Variants in DSCAML1 observed in about 807,000 individuals in gnomAD.
The protein encoded by DSCAML1 is DS cell adhesion molecule like 1.
DSCAML1 carries 38 observed loss-of-function variants against 200.5 expected under a neutral mutation model. The ratio of observed to expected loss-of-function variants is 0.19; its 90% CI spans 0.15 to 0.25. DSCAML1 has a LOEUF of 0.25. Ranked by LOEUF, DSCAML1 falls within the 10% of genes least tolerant of loss-of-function variation. The pLI, the probability that DSCAML1 is intolerant of heterozygous loss-of-function variation, is 1.00. For missense variants in DSCAML1, 2,223 were observed against 2,858.8 expected (o/e 0.78, Z 5.07); for synonymous variants, 1,215 against 1,165.0 (o/e 1.04, Z -0.87).
Position 117,431,643 on chromosome 11 carries a change from G to C in DSCAML1, c.5265C>G (p.Ala1755=). 6.2e-7 allele frequency: 1 copy of C among 1,613,430 alleles called. No homozygotes were observed. Among genetic ancestry groups the C allele is most frequent in the Middle Eastern group, 1.7e-4 (1 of 6,056 alleles). The change falls in exon 31 of 33, where the codon GCC becomes GCG. Residue 1755 remains alanine, a synonymous_variant. Coordinates refer to ENST00000651296, the MANE Select transcript of DSCAML1 (RefSeq NM_020693.4). The stretch of plus-strand genomic sequence containing the variant: ...AGGTGAGGGTGCGGGCAGGTGTGGA[G>C]GCCTGGCACTTGGTCAGGGTCCACT... The part of the protein sequence containing the change: ...SSQWTLTKCQ[A]STPARTLTSD...
chr11:117,458,217 T>A (rs2048411518), intron 19 of DSCAML1, among the ~76,000 whole-genome samples: 1 of 152,174 alleles, frequency 6.6e-6, no homozygotes, highest in Non-Finnish European at 1.5e-5. Context: ...TCTGGCCCTC[T>A]GTCTCTGGCT....
intron 3 of DSCAML1, among the ~76,000 whole-genome samples, chr11:117,604,435 T>C (rs1361890841): frequency 1.3e-5 from 2 of 150,386 alleles, no homozygotes; most frequent in African/African-American, 2.4e-5. Flanking sequence ...CCTCCCTCCC[T>C]CTCCACCGAG....
chr11:117,511,324 T>C (rs575582497), intron 8 of DSCAML1, among the ~76,000 whole-genome samples: 2 of 152,292 alleles, frequency 1.3e-5, no homozygotes, highest in Admixed American at 1.3e-4. Context: ...GGCCTTGTTT[T>C]GGCTCAAGAA....
intron 20 of DSCAML1, among the ~76,000 whole-genome samples, chr11:117,445,199 T>C (rs1272151358): frequency 6.6e-6 from 1 of 152,196 alleles, no homozygotes; most frequent in Non-Finnish European, 1.5e-5. Context: ...GGAGACATCC[T>C]TTTTGGCCCC....
At chr11:117,772,344 T>A (rs1489608093) in intron 3 of DSCAML1, among the ~76,000 whole-genome samples, 1 of 152,140 alleles carries the variant, frequency 6.6e-6, no homozygotes, top group Admixed American at 6.5e-5. Flanking sequence ...TTTTCTCATG[T>A]CACAGGACCC....
In DSCAML1 at chr11:117,516,501, G is replaced by A. The variant is rs750267959; in HGVS notation, c.1749C>T (p.Leu583=). Residue 583 remains leucine (L), a synonymous_variant, in exon 8 of 33, where the codon CTC becomes CTT. Coordinates refer to ENST00000651296, the MANE Select transcript of DSCAML1 (RefSeq NM_020693.4). The surrounding 1 kb of genome is among the most constrained non-coding windows in gnomAD (Gnocchi z 5.7). ...YLCSVLIQPQ[L]SISQSVHVAV... ...CTACGTGAACGCTCTGGCTGATGGA[G>A]AGCTGGGGCTGGATGAGGACACTGC... The A allele has an allele frequency of 6.2e-7, 1 of 1,613,972 alleles. No homozygotes were observed. The highest frequency in any genetic ancestry group is 8.5e-7 in the Non-Finnish European group (1 of 1,179,992).
At chr11:117,733,440 C>T (rs1313195176) in intron 3 of DSCAML1, among the ~76,000 whole-genome samples, 2 of 152,162 alleles carry the variant, frequency 1.3e-5, no homozygotes, top group Non-Finnish European at 2.9e-5. Context: ...TTTGTCCCTA[C>T]ACTCTTGGAA....
intron 1 of DSCAML1, among the ~76,000 whole-genome samples, chr11:117,803,392 T>C (rs1385829048): frequency 1.3e-5 from 2 of 152,206 alleles, no homozygotes; most frequent in South Asian, 2.1e-4. Context: ...TTGAGGTGTG[T>C]CAGTTAATAC....
chr11:117,607,196 C>T (rs1245323013), intron 3 of DSCAML1, among the ~76,000 whole-genome samples: 1 of 152,234 alleles, frequency 6.6e-6, no homozygotes, highest in Non-Finnish European at 1.5e-5. Flanking sequence ...GTGGCCTTGT[C>T]TCCTGACACC....
At chr11:117,691,874 G>A (rs1016962206) in intron 3 of DSCAML1, among the ~76,000 whole-genome samples, 1 of 152,110 alleles carries the variant, frequency 6.6e-6, no homozygotes, top group African/African-American at 2.4e-5. Flanking sequence ...CCCACCCGAG[G>A]GTGGGTGGGG....
At chr11:117,699,786 G>A (rs1464468012) in intron 3 of DSCAML1, among the ~76,000 whole-genome samples, 19 of 152,190 alleles carry the variant, frequency 1.2e-4, no homozygotes, top group Non-Finnish European at 2.8e-4. Flanking sequence ...ACATTTGATT[G>A]CATCAGACAT....
At chr11:117,475,974 C>G (rs1000276852) in intron 14 of DSCAML1, among the ~76,000 whole-genome samples, 1 of 152,088 alleles carries the variant, frequency 6.6e-6, no homozygotes, top group African/African-American at 2.4e-5. Context: ...CTCCCTGACC[C>G]TGAATGGCTG....
At chr11:117,700,815 C>G (rs1023910161) in intron 3 of DSCAML1, among the ~76,000 whole-genome samples, 2 of 152,220 alleles carry the variant, frequency 1.3e-5, no homozygotes, top group East Asian at 3.9e-4. Flanking sequence ...AGAAGCAGAG[C>G]AGGACCTTCT....
chr11:117,439,797 C>T (rs746883999), intron 22 of DSCAML1, 22 bp downstream of exon 22: 8 of 1,603,282 alleles, frequency 5.0e-6, no homozygotes, highest in South Asian at 2.2e-5. Flanking sequence ...CCACCCCATC[C>T]CTCCACTGTC....
chr11:117,486,303 A>T (rs1208381892), intron 11 of DSCAML1, among the ~76,000 whole-genome samples: 3 of 124,032 alleles, frequency 2.4e-5, no homozygotes, highest in Admixed American at 9.1e-5. Flanking sequence ...GCAGATGTGA[A>T]AGTAGTGGAT....
At chr11:117,532,676 G>T (rs914052968) in intron 3 of DSCAML1, among the ~76,000 whole-genome samples, 154 bp from the exon 4 acceptor site, 1 of 150,098 alleles carries the variant, frequency 6.7e-6, no homozygotes, top group Non-Finnish European at 1.5e-5. Context: ...ATGCTCCAGG[G>T]TTTAACAGAA....
chr11:117,642,309 A>G lies in DSCAML1; in HGVS notation c.512-109787T>C, dbSNP rs2052427105. 6.6e-6 allele frequency among the ~76,000 whole-genome samples: 1 copy of G among 150,946 alleles called. No individual in the cohort carries two copies. Among genetic ancestry groups the G allele is most frequent in the South Asian group, 2.1e-4 (1 of 4,762 alleles). ...GAGGCTCTGAACCACTCTTCTTCCT[A>G]TCTCACACCTGCCATCCTCTTTTTT... On this transcript the variant is annotated intron_variant, in intron 3 of 32. Coordinates refer to ENST00000651296, the MANE Select transcript of DSCAML1 (RefSeq NM_020693.4). The surrounding 1 kb of genome is among the most constrained non-coding windows in gnomAD (Gnocchi z 4.1).
chr11:117,716,248 G>A (rs1015679384), intron 3 of DSCAML1, among the ~76,000 whole-genome samples: 1 of 152,224 alleles, frequency 6.6e-6, no homozygotes, highest in Admixed American at 6.5e-5. Context: ...TCTGTCCCTG[G>A]ATGGCCGGGG....
intron 3 of DSCAML1, among the ~76,000 whole-genome samples, chr11:117,676,569 C>T (rs541012739): frequency 2.8e-4 from 43 of 152,224 alleles, no homozygotes; most frequent in Non-Finnish European, 4.4e-4. Flanking sequence ...ACGGGGTGCT[C>T]CTGGGACCAG....
Sources: gnomAD v4.1 joint callset for allele counts (sites outside exome capture counted in the v4.1 genomes callset) on GRCh38, gnomAD v4.1.1 for gene constraint, Gnocchi (gnomAD v3.1) non-coding constraint, MANE v1.5 for transcripts, NCBI Gene and HGNC (gene_info 2026-07-23, HGNC 2026-07-21) for gene names.